Variants in RNF123 observed in about 807,000 individuals in gnomAD.
The protein encoded by RNF123 is E3 ubiquitin-protein ligase RNF123.
RNF123 carries 86 observed loss-of-function variants against 168.5 expected under a neutral mutation model. The observed-to-expected ratio is 0.51, with a 90% confidence interval of 0.43 to 0.61. The LOEUF is 0.61. RNF123 is among the 20% of genes least tolerant of loss of function. RNF123 has a pLI of 0.00. For synonymous variants in RNF123, 666 were observed against 689.1 expected (o/e 0.97, Z 0.52); for missense variants, 1,419 against 1,729.7 (o/e 0.82, Z 3.19).
chr3:49,705,438 C>A (rs1369458407), intron 23 of RNF123, 96 bp from the exon 24 acceptor site: 20 of 1,503,208 alleles, frequency 1.3e-5, no homozygotes, highest in Non-Finnish European at 1.7e-5. Flanking sequence ...TCCTTGGGCA[C>A]AGGAATGGGA....
chr3:49,708,951 TATTTTATTTTTA>T (rs2080087301), intron 26 of RNF123, among the ~76,000 whole-genome samples: 1 of 152,146 alleles, frequency 6.6e-6, no homozygotes, highest in Non-Finnish European at 1.5e-5. Context: ...TTCTGTTTTT[TATTTTATTTTTA>T]ATTTTAATTT....
chr3:49,693,431 A>G (rs2054208869), intron 3 of RNF123, among the ~76,000 whole-genome samples: 1 of 131,092 alleles, frequency 7.6e-6, no homozygotes, highest in Admixed American at 9.8e-5. Flanking sequence ...ATCTTGGCTC[A>G]CTGCAACCTC....
chr3:49,700,179 G>T, intron 12 of RNF123, 48 bp from the exon 13 acceptor site: 1 of 1,610,330 alleles, frequency 6.2e-7, no homozygotes, highest in South Asian at 1.1e-5. Flanking sequence ...GGGGTGCCTT[G>T]ACCAGAGTGG....
At position 49,698,968 on chromosome 3, in the gene RNF123, C is replaced by T. The variant is rs764252205; in HGVS notation, c.639-12C>T. 7 of 1,613,512 alleles carry T rather than the reference C, an allele frequency of 4.3e-6. No individual in the cohort carries two copies. The South Asian group carries it at 7.7e-5, about 18-fold the overall frequency. ...GCTTAGCACTGGCTCACAGACCCAC[C>T]CTTCTCCCCAGGAACGGTGTATCAC... On this transcript the variant is annotated splice_polypyrimidine_tract_variant and intron_variant, in intron 9 of 38. Coordinates refer to ENST00000327697, the MANE Select transcript of RNF123 (RefSeq NM_022064.5).
At chr3:49,719,606 G>A in intron 35 of RNF123, 1 of 700,268 alleles carries the variant, frequency 1.4e-6, no homozygotes, top group Non-Finnish European at 2.4e-6. Flanking sequence ...CCAGCCGACG[G>A]CCCCTACTCT....
intron 26 of RNF123, among the ~76,000 whole-genome samples, chr3:49,710,441 G>A (rs368207738): frequency 2.4e-4 from 36 of 151,976 alleles, no homozygotes; most frequent in African/African-American, 8.0e-4. Flanking sequence ...CACCACGCCC[G>A]GCTAATTTTT....
At chr3:49,718,933 T>C (rs759116655) in intron 35 of RNF123, 28 of 1,613,544 alleles carry the variant, frequency 1.7e-5, no homozygotes, top group Non-Finnish European at 1.0e-5. Flanking sequence ...GCTCAGACCG[T>C]GCAGGTGGTC....
At chr3:49,716,217 C>T in intron 34 of RNF123, 40 bp downstream of exon 34, 1 of 1,603,350 alleles carries the variant, frequency 6.2e-7, no homozygotes, top group Non-Finnish European at 8.5e-7. Context: ...ACACTACAGG[C>T]CTCGGTTCCT....
chr3:49,698,814 C>T lies in RNF123; in HGVS notation c.630C>T (p.Ser210=), dbSNP rs1024842145. 6.2e-7 allele frequency: 1 copy of T among 1,613,830 alleles called. No individual in the cohort carries two copies. ...TTGACCTGGATGATGGCACTCTGTC[C>T]TTCTGCCTGTGAGTTTCCTATCTCT... ...CLIDLDDGTL[S]FCLNGVSLGT... Residue 210 remains serine (S), a synonymous_variant, in exon 9 of 39, where the codon TCC becomes TCT. Coordinates refer to ENST00000327697, the MANE Select transcript of RNF123 (RefSeq NM_022064.5).
chr3:49,699,092 A>G lies in RNF123; in HGVS notation c.751A>G (p.Ser251Gly), dbSNP rs1170731424. Reference sequence around the variant, plus strand: ...GGAGTCCGTGGCCTTCAACTTTGGCAGCCGTCCTCTGCGATATCATTTTGT... The same window carrying G: ...GGAGTCCGTGGCCTTCAACTTTGGCGGCCGTCCTCTGCGATATCATTTTGT... ...FKESVAFNFG[S>G]RPLRYPVAGY... Residue 251 changes from serine to glycine, a missense_variant, in exon 10 of 39, where the codon AGC becomes GGC. By Grantham distance (56) the Ser-to-Gly change is moderately conservative. This residue lies in a region of RNF123 where 318 missense variants were observed against 446.6 expected (regional missense o/e 0.71). Transcript: ENST00000327697. This position sits in a 1 kb window ranked among gnomAD's most constrained non-coding sequence, Gnocchi z 4.8. The G allele has an allele frequency of 1.9e-6, 3 of 1,613,424 alleles. No homozygotes were observed. The highest frequency in any genetic ancestry group is 2.5e-6 in the Non-Finnish European group (3 of 1,179,970).
intron 35 of RNF123, chr3:49,719,485 A>AT: frequency 1.3e-6 from 2 of 1,590,826 alleles, no homozygotes; most frequent in Middle Eastern, 3.9e-4. Context: ...CACCAGGGAC[A>AT]GTACAGAGCA....
At chr3:49,719,107 G>A (rs1350271268) in intron 35 of RNF123, 7 of 1,613,458 alleles carry the variant, frequency 4.3e-6, no homozygotes, top group Non-Finnish European at 5.1e-6. Context: ...CGCCCGCAAC[G>A]TGTTAGATGA....
chr3:49,719,654 C>A, intron 35 of RNF123: 1 of 581,458 alleles, frequency 1.7e-6, no homozygotes, highest in Non-Finnish European at 3.1e-6. Context: ...GCACTCTTAG[C>A]CGCGCTCCCT....
chr3:49,698,881 A>G, intron 9 of RNF123, 59 bp downstream of exon 9: 1 of 1,606,068 alleles, frequency 6.2e-7, no homozygotes, highest in Non-Finnish European at 8.5e-7. Context: ...GACTGCCCCC[A>G]GTTTCCTGGG....
chr3:49,715,487 C>T, intron 31 of RNF123, 88 bp from the exon 32 acceptor site: 1 of 1,518,216 alleles, frequency 6.6e-7, no homozygotes, highest in Admixed American at 1.8e-5. Context: ...GTCCTTATAC[C>T]AAAGCCTCAA....
intron 8 of RNF123, 40 bp downstream of exon 8, chr3:49,698,566 G>A: frequency 6.2e-7 from 1 of 1,603,728 alleles, no homozygotes; most frequent in South Asian, 1.1e-5. Flanking sequence ...CCCCATGACT[G>A]TTACTACAGC....
intron 1 of RNF123, among the ~76,000 whole-genome samples, chr3:49,690,327 A>G (rs1321078256): frequency 3.9e-5 from 6 of 152,268 alleles, no homozygotes; most frequent in Admixed American, 6.5e-5. Flanking sequence ...GGCTAAGGCA[A>G]CTGAGAAATC....
chr3:49,714,187 G>C lies in RNF123; in HGVS notation c.3010+13G>C. ...CCCAGCCTCCAGAGTGAGTATCTGG[G>C]TTGGGCGAGTCCTGGGCAAGGCAGG... is the stretch of plus-strand genomic sequence containing the variant. On this transcript the variant is annotated intron_variant, in intron 31 of 38. Transcript: ENST00000327697. 6.2e-7 allele frequency: 1 copy of C among 1,613,540 alleles called. No homozygotes were observed. The highest frequency in any genetic ancestry group is 8.5e-7 in the Non-Finnish European group (1 of 1,179,512).
rs544046556 is a variant in RNF123 at position 49,699,827 on chromosome 3, G to A, written c.984+55G>A. 1.9e-5 allele frequency: 30 copies of A among 1,543,960 alleles called. No individual in the cohort carries two copies. Among genetic ancestry groups the A allele is most frequent in the Admixed American group, 1.8e-4 (11 of 59,548 alleles). ...GGAGGAGACAGGCCATGCTAGACAC[G>A]CCCGTGGTAGATGTGCCCTCACTGA... On this transcript the variant is annotated intron_variant, in intron 12 of 38. Transcript: ENST00000327697. This position sits in a 1 kb window ranked among gnomAD's most constrained non-coding sequence, Gnocchi z 4.8.
Sources: gnomAD v4.1 joint callset for allele counts (sites outside exome capture counted in the v4.1 genomes callset) on GRCh38, gnomAD v4.1.1 for gene constraint, gnomAD v4.1.1 regional missense constraint, Gnocchi (gnomAD v3.1) non-coding constraint, MANE v1.5 for transcripts, NCBI Gene and HGNC (gene_info 2026-07-23, HGNC 2026-07-21) for gene names.